The following LUZP2 variants were observed in gnomAD, a reference collection of about 807,000 sequenced individuals.
LUZP2 encodes leucine zipper protein 2.
A neutral mutation model predicts 51.6 loss-of-function variants in LUZP2; 52 were observed. The observed-to-expected ratio is 1.01, with a 90% confidence interval of 0.81 to 1.27. The LOEUF is 1.27. Ranked by LOEUF, LUZP2 falls within the 50% of genes most tolerant of loss-of-function variation. The pLI is 0.00. For missense variants in LUZP2, 436 were observed against 395.4 expected (o/e 1.10, Z -0.87); for synonymous variants, 154 against 137.3 (o/e 1.12, Z -0.85).
intron 1 of LUZP2, among the ~76,000 whole-genome samples, chr11:24,596,476 A>T (rs1445164391): frequency 6.6e-6 from 1 of 152,200 alleles, no homozygotes; most frequent in East Asian, 1.9e-4. Context: ...TTTAGGGAAC[A>T]GCAGCAGTGT....
chr11:24,870,342 A>G (rs1482972241), intron 5 of LUZP2, among the ~76,000 whole-genome samples: 1 of 152,154 alleles, frequency 6.6e-6, no homozygotes, highest in East Asian at 1.9e-4. Context: ...CATTAATAGC[A>G]GCTTCAATGT....
intron 10 of LUZP2, among the ~76,000 whole-genome samples, chr11:25,070,770 G>GCTGT (rs146900199): frequency 7.1e-6 from 1 of 141,284 alleles, no homozygotes; most frequent in Non-Finnish European, 1.5e-5. Flanking sequence ...GACTGTGTAT[G>GCTGT]GTGTGTGTGT....
chr11:25,046,448 A>C (rs778496994), intron 9 of LUZP2, among the ~76,000 whole-genome samples: 35 of 152,144 alleles, frequency 2.3e-4, no homozygotes, highest in Non-Finnish European at 4.0e-4. Flanking sequence ...TCCAGCAATA[A>C]ACATGTCCAC....
At chr11:24,667,033 A>G (rs546051689) in intron 1 of LUZP2, among the ~76,000 whole-genome samples, 6 of 152,326 alleles carry the variant, frequency 3.9e-5, no homozygotes, top group Non-Finnish European at 7.3e-5. Context: ...TTGTGAAAAT[A>G]TAATAACTTA....
intron 10 of LUZP2, among the ~76,000 whole-genome samples, chr11:25,060,717 A>G (rs1337690803): frequency 6.6e-6 from 1 of 152,164 alleles, no homozygotes; most frequent in East Asian, 1.9e-4. Flanking sequence ...GTATAAATAA[A>G]AAGAAAAGTG....
At chr11:24,553,901 C>T (rs1241416988) in intron 1 of LUZP2, among the ~76,000 whole-genome samples, 2 of 152,096 alleles carry the variant, frequency 1.3e-5, no homozygotes, top group Non-Finnish European at 2.9e-5. Flanking sequence ...TCATGAGTTT[C>T]CTTGAGCTCT....
chr11:24,528,741 G>A (rs1300404385), intron 1 of LUZP2, among the ~76,000 whole-genome samples: 1 of 151,074 alleles, frequency 6.6e-6, no homozygotes, highest in Non-Finnish European at 1.5e-5. Flanking sequence ...AATGTGTTGA[G>A]GACATCACCT....
chr11:24,560,176 G>A (rs113733132), intron 1 of LUZP2, among the ~76,000 whole-genome samples: 6,567 of 152,164 alleles, frequency 0.043, 435 homozygotes, highest in African/African-American at 0.15. Flanking sequence ...AGCTCTTAAC[G>A]TGTTATGAAA....
intron 5 of LUZP2, among the ~76,000 whole-genome samples, chr11:24,839,352 T>A (rs549943908): frequency 6.6e-6 from 1 of 151,802 alleles, no homozygotes; most frequent in East Asian, 1.9e-4. Context: ...AATGGTTAAA[T>A]CTTGTTGTTC....
intron 9 of LUZP2, among the ~76,000 whole-genome samples, chr11:25,019,927 C>A (rs1366716090): frequency 6.6e-6 from 1 of 151,914 alleles, no homozygotes; most frequent in Non-Finnish European, 1.5e-5. Flanking sequence ...GTGTCATATA[C>A]TTTATCTTCT....
intron 6 of LUZP2, among the ~76,000 whole-genome samples, chr11:24,911,178 A>C (rs765659976): frequency 5.3e-5 from 8 of 152,146 alleles, no homozygotes; most frequent in Non-Finnish European, 1.2e-4. Flanking sequence ...GAAGTAACTA[A>C]CTTGCTTCTA....
At chr11:25,050,527 A>G (rs562088967) in intron 10 of LUZP2, among the ~76,000 whole-genome samples, 2 of 152,100 alleles carry the variant, frequency 1.3e-5, no homozygotes, top group South Asian at 2.1e-4. Context: ...GCTGGTCTTG[A>G]TCGCCTGACC....
chr11:24,929,021 G>A (rs1391508218), intron 7 of LUZP2, among the ~76,000 whole-genome samples: 1 of 151,970 alleles, frequency 6.6e-6, no homozygotes, highest in African/African-American at 2.4e-5. Flanking sequence ...GCATGTAAAG[G>A]TGTTCATAGT....
intron 5 of LUZP2, among the ~76,000 whole-genome samples, chr11:24,901,197 C>T (rs10767273): frequency 0.54 from 82,664 of 151,778 alleles, 22,790 homozygotes; most frequent in East Asian, 0.73. Context: ...TCTGTCTAGT[C>T]ATCTAGTTGT....
At chr11:24,518,389 C>T (rs1272498037) in intron 1 of LUZP2, among the ~76,000 whole-genome samples, 3 of 151,892 alleles carry the variant, frequency 2.0e-5, no homozygotes, top group Non-Finnish European at 2.9e-5. Flanking sequence ...TGCCTATTTT[C>T]CCCTTGTAAC....
At chr11:24,594,750 C>CTT (rs61196514) in intron 1 of LUZP2, among the ~76,000 whole-genome samples, 62 of 78,588 alleles carry the variant, frequency 7.9e-4, no homozygotes, top group Admixed American at 1.1e-3. Context: ...GTTTGGGACA[C>CTT]TTTTTTTTTT....
At chr11:24,916,507 G>A (rs1189236308) in intron 7 of LUZP2, among the ~76,000 whole-genome samples, 2 of 151,734 alleles carry the variant, frequency 1.3e-5, no homozygotes, top group African/African-American at 4.8e-5. Context: ...ACAACAGGCT[G>A]TGGTGTGTGA....
At chr11:24,891,870 A>C in intron 5 of LUZP2, 1 of 985,500 alleles carries the variant, frequency 1.0e-6, no homozygotes, top group Non-Finnish European at 1.2e-6. Context: ...GCCAACCCTC[A>C]ATTTCCAATA....
chr11:24,932,204 T>G (rs913826008), intron 7 of LUZP2, among the ~76,000 whole-genome samples: 1 of 152,196 alleles, frequency 6.6e-6, no homozygotes, highest in Non-Finnish European at 1.5e-5. Flanking sequence ...GTTATAGTTT[T>G]GTTTATTACA....
Sources: allele counts gnomAD v4.1 joint callset (sites outside exome capture counted in the v4.1 genomes callset), GRCh38; gene constraint gnomAD v4.1.1; transcripts MANE v1.5; gene names NCBI Gene and HGNC (gene_info 2026-07-23, HGNC 2026-07-21).